The following ATP6V1E1 variants were observed in gnomAD, a reference collection of about 807,000 sequenced individuals.
The protein encoded by ATP6V1E1 is V-type proton ATPase subunit E 1.
ATP6V1E1 carries 21 observed loss-of-function variants against 35.2 expected under a neutral mutation model. The ratio of observed to expected loss-of-function variants is 0.60; its 90% CI spans 0.42 to 0.86. ATP6V1E1 has a LOEUF of 0.86. ATP6V1E1 is among the 40% of genes least tolerant of loss of function. The pLI is 0.00. For missense variants in ATP6V1E1, 183 were observed against 272.6 expected, an observed-to-expected ratio of 0.67 and a Z score of 2.32; for synonymous variants, 83 against 87.8, an observed-to-expected ratio of 0.95 and a Z score of 0.30.
chr22:17,623,424 G>A (rs2057888005), intron 1 of ATP6V1E1, among the ~76,000 whole-genome samples: 1 of 152,164 alleles, frequency 6.6e-6, no homozygotes, highest in Non-Finnish European at 1.5e-5. Context: ...TGTAATCCCA[G>A]CACTTTGGGA....
At chr22:17,614,932 G>A (rs2057835308) in intron 2 of ATP6V1E1, among the ~76,000 whole-genome samples, 1 of 150,218 alleles carries the variant, frequency 6.7e-6, no homozygotes, top group Non-Finnish European at 1.5e-5. Context: ...TCGCGCCTGG[G>A]CAGCAGAGCG....
At chr22:17,593,134 T>C (rs16980879) in intron 8 of ATP6V1E1, among the ~76,000 whole-genome samples, 6,357 of 152,154 alleles carry the variant, frequency 0.042, 464 homozygotes, top group African/African-American at 0.14. Flanking sequence ...TGAACCTCTA[T>C]GTGGCTGGGA....
intron 2 of ATP6V1E1, among the ~76,000 whole-genome samples, chr22:17,615,572 G>A (rs1383025944): frequency 6.6e-6 from 1 of 151,920 alleles, no homozygotes; most frequent in Non-Finnish European, 1.5e-5. Context: ...GAACCCAGGA[G>A]GCAGAGGTTA....
intron 1 of ATP6V1E1, among the ~76,000 whole-genome samples, chr22:17,627,256 T>A (rs554808037): frequency 6.6e-6 from 1 of 151,544 alleles, no homozygotes; most frequent in African/African-American, 2.4e-5. Context: ...GCCTCCCGAG[T>A]AGCTGGGACT....
intron 1 of ATP6V1E1, among the ~76,000 whole-genome samples, chr22:17,620,631 G>T (rs1276059118): frequency 6.6e-6 from 1 of 151,920 alleles, no homozygotes; most frequent in Non-Finnish European, 1.5e-5. Flanking sequence ...ATTCAATACT[G>T]AACTGCTCAC....
chr22:17,603,159 G>T (rs544287230), intron 4 of ATP6V1E1, among the ~76,000 whole-genome samples: 1 of 151,720 alleles, frequency 6.6e-6, no homozygotes, highest in Non-Finnish European at 1.5e-5. Flanking sequence ...CATGTTGGCC[G>T]GGCTGGTCTT....
chr22:17,598,096 GC>G, intron 7 of ATP6V1E1, 97 bp downstream of exon 7: 1 of 905,074 alleles, frequency 1.1e-6, no homozygotes, highest in South Asian at 1.5e-5. Flanking sequence ...GTCTAAGAGT[GC>G]GTTTAAATGG....
Position 17,598,285 on chromosome 22 carries a change from C to T in ATP6V1E1, c.439G>A (p.Ala147Thr), listed in dbSNP as rs200423618. The part of the protein sequence containing the change: ...RKQDFPLVKA[A>T]VQKAIPMYKI... ...TACATAGGAATTGCCTTCTGCACTG[C>T]AGCCTGGAAGTATAGAACACAATGA... is the stretch of plus-strand genomic sequence containing the variant. The change falls in exon 7 of 9, where the codon GCA becomes ACA. Residue 147 changes from alanine (A) to threonine (T), a missense_variant. Ala to Thr is a moderately conservative substitution (Grantham distance 58). Transcript: ENST00000253413. 5 of 1,612,198 alleles carry T rather than the reference C, an allele frequency of 3.1e-6. No homozygotes were observed. Among genetic ancestry groups the T allele is most frequent in the Admixed American group, 1.7e-5 (1 of 59,946 alleles).
chr22:17,625,080 C>G (rs963101809), intron 1 of ATP6V1E1, among the ~76,000 whole-genome samples: 1 of 152,046 alleles, frequency 6.6e-6, no homozygotes, highest in Non-Finnish European at 1.5e-5. Context: ...TTAAAAAAAC[C>G]CTTTGGTTCT....
rs377079402 is a variant in ATP6V1E1, at chr22:17,620,437, G to A, written c.34-911C>T. On this transcript the variant is annotated intron_variant, in intron 1 of 8. Transcript: ENST00000253413. ...ACTGGGATTACAGACGTGAGCCACC[G>A]CGCACGGCGAGCAACCTTCCCTTCT... Among the ~76,000 whole-genome samples, 21 of 151,754 alleles carry A rather than the reference G, an allele frequency of 1.4e-4. No individual in the cohort carries two copies. The East Asian group carries it at 2.5e-3, about 18-fold the overall frequency.
chr22:17,619,200 G>C (rs1029887335), intron 2 of ATP6V1E1: 1 of 487,852 alleles, frequency 2.0e-6, no homozygotes, highest in African/African-American at 2.0e-5. Context: ...GCTGAGGTAG[G>C]AGAATCACTT....
chr22:17,625,755 T>C (rs2057900866), intron 1 of ATP6V1E1, among the ~76,000 whole-genome samples: 1 of 152,106 alleles, frequency 6.6e-6, no homozygotes, highest in Non-Finnish European at 1.5e-5. Flanking sequence ...GATTACTAAA[T>C]GCAAGGATTC....
At chr22:17,612,686 T>G (rs1337391453) in intron 4 of ATP6V1E1, 126 bp downstream of exon 4, 6 of 822,178 alleles carry the variant, frequency 7.3e-6, no homozygotes, top group Non-Finnish European at 1.1e-5. Flanking sequence ...TTTATTATAA[T>G]AATTGGAATG....
chr22:17,610,446 A>G (rs1259423850), intron 4 of ATP6V1E1, among the ~76,000 whole-genome samples: 3 of 152,152 alleles, frequency 2.0e-5, no homozygotes, highest in Non-Finnish European at 4.4e-5. Context: ...CATTTCTATA[A>G]TATGTTAGAT....
chr22:17,614,714 A>AT (rs1265115953), intron 2 of ATP6V1E1, among the ~76,000 whole-genome samples: 1 of 151,666 alleles, frequency 6.6e-6, no homozygotes, highest in African/African-American at 2.4e-5. Context: ...CACACCTGTA[A>AT]TCCCAGCACT....
intron 7 of ATP6V1E1, among the ~76,000 whole-genome samples, chr22:17,595,603 T>C (rs2057727924): frequency 6.6e-6 from 1 of 151,488 alleles, no homozygotes; most frequent in Admixed American, 6.6e-5. Context: ...GCCGAGGTGC[T>C]CCCAAACTCA....
At chr22:17,618,681 CAAAAAAAAAAA>C (rs796136446) in intron 2 of ATP6V1E1, among the ~76,000 whole-genome samples, 1 of 72,388 alleles carries the variant, frequency 1.4e-5, no homozygotes, top group Non-Finnish European at 3.2e-5. Flanking sequence ...GACTCCATCT[CAAAAAAAAAAA>C]AAAAAAAAAA....
At chr22:17,600,527 G>A (rs1445961674) in intron 5 of ATP6V1E1, among the ~76,000 whole-genome samples, 1 of 152,164 alleles carries the variant, frequency 6.6e-6, no homozygotes, top group African/African-American at 2.4e-5. Context: ...CCCCTGGTAA[G>A]TTCCACTAAC....
chr22:17,604,958 G>A (rs2057778258), intron 4 of ATP6V1E1, among the ~76,000 whole-genome samples: 5 of 152,068 alleles, frequency 3.3e-5, no homozygotes, highest in Admixed American at 3.3e-4. Flanking sequence ...GCTCACGCCT[G>A]TAATCTCAGC....
Sources: allele counts gnomAD v4.1 joint callset (sites outside exome capture counted in the v4.1 genomes callset), GRCh38; gene constraint gnomAD v4.1.1; transcripts MANE v1.5; gene names NCBI Gene and HGNC (gene_info 2026-07-23, HGNC 2026-07-21).